Variants in TERF2 observed in about 807,000 individuals in gnomAD.
The protein encoded by TERF2 is telomeric repeat binding factor 2, also known as telomeric repeat-binding factor 2.
In TERF2, 16 loss-of-function variants were observed where a neutral mutation model predicts 56.1. That is an observed-to-expected ratio of 0.29 (90% CI 0.19 to 0.43). The LOEUF is 0.43. Ranked by LOEUF, TERF2 falls within the 20% of genes least tolerant of loss-of-function variation. TERF2 has a pLI of 1.00. For missense variants in TERF2, 547 were observed against 712.9 expected (o/e 0.77, Z 2.65); for synonymous variants, 296 against 282.1 (o/e 1.05, Z -0.50).
In TERF2 at chr16:69,385,407, T is replaced by C. The variant is rs1443604101; in HGVS notation, c.459A>G (p.Glu153=). 2.6e-5 allele frequency: 42 copies of C among 1,614,108 alleles called. No individual in the cohort carries two copies. The highest frequency in any genetic ancestry group is 3.6e-5 in the Non-Finnish European group (42 of 1,180,008). The change falls in exon 2 of 10, where the codon GAA becomes GAG. Residue 153 remains glutamate, a synonymous_variant. Coordinates refer to ENST00000254942, the MANE Select transcript of TERF2 (RefSeq NM_005652.5). ...TAGCCATACCTAAATTTTCCCCTTCTTCAATCCGCGACAGACACTGCATAA... is the reference window on the plus strand; with the variant it reads ...TAGCCATACCTAAATTTTCCCCTTCCTCAATCCGCGACAGACACTGCATAA... ...LRVMQCLSRI[E]EGENLDCSFD... is the part of the protein sequence containing the mutation.
At chr16:69,358,287 AC>A (rs2012995479) in intron 8 of TERF2, among the ~76,000 whole-genome samples, 1 of 151,966 alleles carries the variant, frequency 6.6e-6, no homozygotes, top group African/African-American at 2.4e-5. Flanking sequence ...TGCTGGGATT[AC>A]AGGCATGAGC....
chr16:69,376,427 T>C (rs543696522), intron 3 of TERF2, among the ~76,000 whole-genome samples: 4 of 152,204 alleles, frequency 2.6e-5, no homozygotes, highest in Non-Finnish European at 5.9e-5. Flanking sequence ...TTACTGTAAC[T>C]TTCTCATAAT....
At chr16:69,367,899 C>G (rs1445284069) in intron 6 of TERF2, among the ~76,000 whole-genome samples, 1 of 152,228 alleles carries the variant, frequency 6.6e-6, no homozygotes, top group Non-Finnish European at 1.5e-5. Flanking sequence ...CACAGAGCAA[C>G]AACCACAAGA....
chr16:69,377,940 C>T (rs1411922883), intron 3 of TERF2, among the ~76,000 whole-genome samples: 1 of 151,928 alleles, frequency 6.6e-6, no homozygotes, highest in Non-Finnish European at 1.5e-5. Context: ...ATGCTTTTTC[C>T]CCCTTGCCTT....
Position 69,385,845 on chromosome 16 carries a change from T to C in TERF2, c.127A>G (p.Met43Val). The change falls in exon 1 of 10, where the codon ATG (methionine) becomes GTG (valine). Residue 43 changes from methionine (M) to valine (V), a missense_variant. Around this residue, in one of 6 missense-constraint regions of TERF2, gnomAD observed 120 missense variants for 172.4 expected, o/e 0.70. Transcript: ENST00000254942. Reference sequence around the variant, plus strand: ...TCGCTACTCCCGCCTCCTCCCGCCATCGTGTCCGATCGCCGCGCGCCCTCC... The same window carrying C: ...TCGCTACTCCCGCCTCCTCCCGCCACCGTGTCCGATCGCCGCGCGCCCTCC... ...GGEGARRSDT[M>V]AGGGGSSDGS... The C allele has an allele frequency of 7.3e-7, 1 of 1,363,824 alleles. No individual in the cohort carries two copies. Among genetic ancestry groups the C allele is most frequent in the Non-Finnish European group, 9.5e-7 (1 of 1,055,910 alleles). The allele number at this position is 1,363,824 out of a possible 1,614,324, so 84.5% of individuals were successfully genotyped here. A position where few individuals can be genotyped will look rare whatever the true frequency, so the allele number is the denominator to read the frequency against.
intron 3 of TERF2, among the ~76,000 whole-genome samples, chr16:69,373,620 T>C (rs1342804135): frequency 2.0e-5 from 3 of 152,008 alleles, no homozygotes; most frequent in Non-Finnish European, 2.9e-5. Context: ...TCGCTTGAGC[T>C]CAGGAGTTTG....
chr16:69,379,487 A>G (rs2013915248), intron 3 of TERF2, among the ~76,000 whole-genome samples: 1 of 152,226 alleles, frequency 6.6e-6, no homozygotes, highest in Non-Finnish European at 1.5e-5. Flanking sequence ...TAACAGATCA[A>G]TCTCTCCTTT....
At chr16:69,377,202 C>CA (rs556264748) in intron 3 of TERF2, among the ~76,000 whole-genome samples, 5,619 of 95,108 alleles carry the variant, frequency 0.059, 166 homozygotes, top group South Asian at 0.19. Context: ...GACTCCATCT[C>CA]AAAAAAAAAA....
At chr16:69,382,013 C>G (rs922134267) in intron 3 of TERF2, among the ~76,000 whole-genome samples, 1 of 152,128 alleles carries the variant, frequency 6.6e-6, no homozygotes, top group African/African-American at 2.4e-5. Context: ...ACAATTACTA[C>G]CATCTTGATC....
At chr16:69,357,410 A>G in intron 9 of TERF2, 108 bp downstream of exon 9, 3 of 888,876 alleles carry the variant, frequency 3.4e-6, no homozygotes, top group Non-Finnish European at 5.3e-6. Context: ...AATCTCAAAA[A>G]AAGGTTTTTA....
rs1037045250 is a variant in TERF2 at position 69,356,086 on chromosome 16, G to C, written c.*812C>G. ...CGACTGGCTAAAGAGTTTTTAAAGG[G>C]AATCTTATTCCACAAGGACTGGTCT... On this transcript the variant is annotated 3_prime_UTR_variant, in exon 10 of 10. Coordinates refer to ENST00000254942, the MANE Select transcript of TERF2 (RefSeq NM_005652.5). 5.1e-6 allele frequency: 2 copies of C among 388,582 alleles called. No individual in the cohort carries two copies. Among genetic ancestry groups the C allele is most frequent in the Non-Finnish European group, 1.0e-5 (2 of 197,634 alleles). 24.1% of individuals were successfully genotyped at this position (388,582 alleles called of 1,614,324 possible). A position where few individuals can be genotyped will look rare whatever the true frequency, so the allele number is the denominator to read the frequency against.
At chr16:69,376,800 C>T (rs969605207) in intron 3 of TERF2, among the ~76,000 whole-genome samples, 3 of 143,568 alleles carry the variant, frequency 2.1e-5, no homozygotes, top group African/African-American at 7.9e-5. Context: ...GTCAAGGCTG[C>T]AGTGAGCCAT....
At chr16:69,377,340 CTTTTT>C (rs1288833244) in intron 3 of TERF2, among the ~76,000 whole-genome samples, 2 of 150,500 alleles carry the variant, frequency 1.3e-5, no homozygotes, top group Middle Eastern at 3.2e-3. Context: ...AATTTTTTTT[CTTTTT>C]TGAGATGGAG....
chr16:69,368,736 GTGCAATCTCGGCTCAC>G lies in TERF2; in HGVS notation c.841-270_841-255del, dbSNP rs753910676. On this transcript the variant is annotated intron_variant, in intron 5 of 9. Transcript: ENST00000254942. ...CTGTCGCCCAGGCTGCAGCACAGTG[GTGCAATCTCGGCTCAC>G]TGCAATCTCCACCTCCTGGGTTCAA... 1.4e-4 allele frequency: 105 copies of G among 771,032 alleles called. 1 individual carries two copies. Among genetic ancestry groups the G allele is most frequent in the Middle Eastern group, 4.5e-4 (1 of 2,204 alleles). 47.8% of individuals were successfully genotyped at this position (771,032 alleles called of 1,614,324 possible). A position where few individuals can be genotyped will look rare whatever the true frequency, so the allele number is the denominator to read the frequency against.
At chr16:69,358,622 GACTT>G (rs1432071412) in intron 8 of TERF2, among the ~76,000 whole-genome samples, 1 of 152,226 alleles carries the variant, frequency 6.6e-6, no homozygotes, top group Non-Finnish European at 1.5e-5. Context: ...ATCCTTGTGT[GACTT>G]ACACAAACCT....
rs2012867686 is a variant in TERF2, at chr16:69,355,567, T to C, written c.*1331A>G. On this transcript the variant is annotated 3_prime_UTR_variant, in exon 10 of 10. Coordinates refer to ENST00000254942, the MANE Select transcript of TERF2 (RefSeq NM_005652.5). ...GCTGCAATTAAACAGCTACTTACAG[T>C]TGAGAGAAGCAAGACTTTAATGAAG... 1 of 152,376 alleles carries C rather than the reference T, an allele frequency of 6.6e-6. No homozygotes were observed. Among genetic ancestry groups the C allele is most frequent in the Non-Finnish European group, 1.5e-5 (1 of 68,034 alleles). The allele number at this position is 152,376 out of a possible 1,614,324, so 9.4% of individuals were successfully genotyped here.
chr16:69,378,495 T>C (rs2013875175), intron 3 of TERF2, among the ~76,000 whole-genome samples: 1 of 152,204 alleles, frequency 6.6e-6, no homozygotes, highest in Non-Finnish European at 1.5e-5. Context: ...TCTTTCACCA[T>C]CTCTGACCCT....
At chr16:69,373,105 T>C (rs1338028872) in intron 3 of TERF2, among the ~76,000 whole-genome samples, 1 of 152,158 alleles carries the variant, frequency 6.6e-6, no homozygotes. Flanking sequence ...CACAGAGTTC[T>C]GCTAGTTCCA....
intron 3 of TERF2, among the ~76,000 whole-genome samples, chr16:69,379,869 T>C (rs764889288): frequency 2.0e-4 from 30 of 152,172 alleles, no homozygotes; most frequent in Admixed American, 1.8e-3. Flanking sequence ...TGGATGCTCA[T>C]AACTGCTTCT....
Sources: allele counts gnomAD v4.1 joint callset (sites outside exome capture counted in the v4.1 genomes callset), GRCh38; gene constraint gnomAD v4.1.1; regional missense constraint gnomAD v4.1.1; transcripts MANE v1.5; gene names NCBI Gene and HGNC (gene_info 2026-07-23, HGNC 2026-07-21).